Variants in CTIF observed in about 807,000 individuals in gnomAD.
CTIF encodes the protein cap binding complex dependent translation initiation factor.
Under a neutral mutation model 66.0 loss-of-function variants are expected in CTIF, and 21 were observed. The observed-to-expected ratio is 0.32, with a 90% CI of 0.23 to 0.46. CTIF has a LOEUF of 0.46. CTIF is among the 20% of genes least tolerant of loss of function. The pLI, the probability that CTIF is intolerant of heterozygous loss-of-function variation, is 1.00. For missense variants in CTIF, 739 were observed against 812.7 expected, an observed-to-expected ratio of 0.91 and a Z score of 1.10; for synonymous variants, 345 against 326.4, an observed-to-expected ratio of 1.06 and a Z score of -0.62.
chr18:48,832,356 A>G (rs1568253584), intron 10 of CTIF, among the ~76,000 whole-genome samples: 1 of 152,090 alleles, frequency 6.6e-6, no homozygotes, highest in Non-Finnish European at 1.5e-5. Flanking sequence ...TATTTTTAGT[A>G]GAGACGGGGT....
chr18:48,825,584 G>A (rs2068567542), intron 10 of CTIF, among the ~76,000 whole-genome samples: 1 of 152,190 alleles, frequency 6.6e-6, no homozygotes, highest in Non-Finnish European at 1.5e-5. Context: ...CTATTTCACA[G>A]AGTCAAGCAA....
At chr18:48,706,544 G>A (rs1239823018) in intron 6 of CTIF, among the ~76,000 whole-genome samples, 1 of 152,078 alleles carries the variant, frequency 6.6e-6, no homozygotes, top group East Asian at 1.9e-4. Context: ...GCAAGGCCTC[G>A]CACTCTCTGC....
intron 2 of CTIF, among the ~76,000 whole-genome samples, chr18:48,623,926 AATAG>A (rs149733968): frequency 0.022 from 3,290 of 152,190 alleles, 108 homozygotes; most frequent in African/African-American, 0.073. Context: ...ATACATAGAT[AATAG>A]ATAGATAAGA....
intron 3 of CTIF, among the ~76,000 whole-genome samples, chr18:48,651,571 A>G (rs1199231433): frequency 6.6e-6 from 1 of 152,214 alleles, no homozygotes; most frequent in African/African-American, 2.4e-5. Context: ...ACAGAAGGTT[A>G]ACAAGGATAT....
chr18:48,588,656 C>T (rs1306743423), intron 1 of CTIF, among the ~76,000 whole-genome samples: 2 of 152,206 alleles, frequency 1.3e-5, no homozygotes, highest in Admixed American at 6.5e-5. Context: ...CTTCCTTCTC[C>T]TGGCTGCATC....
rs1003935690 is a variant in CTIF, at chr18:48,758,436, T to A, written c.1071+31T>A. 1.9e-6 allele frequency: 3 copies of A among 1,556,156 alleles called. No individual in the cohort carries two copies. The South Asian group carries it at 3.7e-5, about 19-fold the overall frequency. On this transcript the variant is annotated intron_variant, in intron 8 of 11. Transcript: ENST00000256413. ...GGTAATTGAATTTTTGTTCTTCTCT[T>A]GCACCAGGGAGGACAGCAAGAGGTA...
At chr18:48,714,469 A>G (rs1221952070) in intron 7 of CTIF, among the ~76,000 whole-genome samples, 1 of 152,118 alleles carries the variant, frequency 6.6e-6, no homozygotes. Context: ...GTGGCTTTCC[A>G]TCTTCCTGCA....
In CTIF at chr18:48,859,619, A is replaced by T. The variant is rs144713007; in HGVS notation, c.*60A>T. 2,817 of 1,514,394 alleles carry T rather than the reference A, an allele frequency of 1.9e-3. 23 individuals are homozygous for T. In the Middle Eastern group the frequency reaches 0.037, roughly 20 times the overall value. The allele number at this position is 1,514,394 out of a possible 1,614,324, so 93.8% of individuals were successfully genotyped here. A position where few individuals can be genotyped will look rare whatever the true frequency, so the allele number is the denominator to read the frequency against. On this transcript the variant is annotated 3_prime_UTR_variant, in exon 12 of 12. Transcript: ENST00000256413. ...CTGGGGCCCTGGTGCACAGGGCCAG[A>T]TGGACAGGCGGGAGGACAGGGGTGG...
intron 1 of CTIF, among the ~76,000 whole-genome samples, chr18:48,558,965 C>A (rs1036098863): frequency 6.6e-6 from 1 of 152,182 alleles, no homozygotes; most frequent in African/African-American, 2.4e-5. Flanking sequence ...AGATCTTTTT[C>A]AGAATCTGTA....
At chr18:48,693,552 G>A (rs1043976900) in intron 6 of CTIF, among the ~76,000 whole-genome samples, 2 of 152,174 alleles carry the variant, frequency 1.3e-5, no homozygotes, top group Non-Finnish European at 2.9e-5. Context: ...CTCATCTCAG[G>A]TGGACTGAAT....
intron 3 of CTIF, among the ~76,000 whole-genome samples, chr18:48,654,802 G>T (rs749275758): frequency 6.6e-5 from 10 of 152,092 alleles, no homozygotes; most frequent in Admixed American, 2.0e-4. Context: ...CCATAAAAAA[G>T]GATGAGTTCA....
At chr18:48,762,603 G>T (rs1225371171) in intron 9 of CTIF, among the ~76,000 whole-genome samples, 7 of 152,176 alleles carry the variant, frequency 4.6e-5, no homozygotes, top group Non-Finnish European at 8.8e-5. Context: ...TGAGTTTCTG[G>T]TCCAGATGAG....
intron 9 of CTIF, among the ~76,000 whole-genome samples, chr18:48,785,172 C>G (rs1020249101): frequency 1.3e-5 from 2 of 152,126 alleles, no homozygotes; most frequent in Admixed American, 6.5e-5. Context: ...CTTCCTCTCT[C>G]TTTTCCCTCC....
intron 7 of CTIF, among the ~76,000 whole-genome samples, chr18:48,740,112 G>T (rs1009022863): frequency 7.9e-5 from 12 of 152,198 alleles, no homozygotes; most frequent in Non-Finnish European, 1.3e-4. Flanking sequence ...CTTGCCTGGG[G>T]TTATACAGCA....
chr18:48,857,001 G>A (rs946904834), intron 10 of CTIF, among the ~76,000 whole-genome samples: 11 of 152,208 alleles, frequency 7.2e-5, no homozygotes, highest in African/African-American at 1.9e-4. Context: ...AGGACTGAGC[G>A]CTGAGCAGCC....
intron 8 of CTIF, among the ~76,000 whole-genome samples, chr18:48,758,616 C>G: frequency 6.6e-6 from 1 of 152,138 alleles, no homozygotes; most frequent in East Asian, 1.9e-4. Context: ...CTCCAGCACA[C>G]TTGGGCTTTT....
chr18:48,826,702 C>G (rs749660176), intron 10 of CTIF: 1 of 152,220 alleles, frequency 6.6e-6, no homozygotes, highest in African/African-American at 2.4e-5. Context: ...CATGGAACCC[C>G]GGCTGCATGT....
intron 9 of CTIF, among the ~76,000 whole-genome samples, chr18:48,775,039 T>A (rs2145996389): frequency 6.6e-6 from 1 of 152,228 alleles, no homozygotes; most frequent in Middle Eastern, 3.4e-3. Context: ...GGAATCAGCC[T>A]TCCCTGCCAT....
chr18:48,601,367 T>C (rs2090087293), intron 1 of CTIF, among the ~76,000 whole-genome samples: 1 of 152,268 alleles, frequency 6.6e-6, no homozygotes, highest in Non-Finnish European at 1.5e-5. Context: ...CTATATATTC[T>C]GTGCGTGCAC....
Sources: gnomAD v4.1 joint callset for allele counts (sites outside exome capture counted in the v4.1 genomes callset) on GRCh38, gnomAD v4.1.1 for gene constraint, MANE v1.5 for transcripts, NCBI Gene and HGNC (gene_info 2026-07-23, HGNC 2026-07-21) for gene names.